The following CLTA variants were observed in gnomAD, a reference collection of about 807,000 sequenced individuals.
CLTA encodes clathrin, light polypeptide (Lca).
In CLTA, 9 loss-of-function variants were observed where a neutral mutation model predicts 26.9. The ratio of observed to expected loss-of-function variants is 0.33; its 90% CI spans 0.20 to 0.58. The LOEUF (loss-of-function observed/expected upper bound fraction) is 0.58, where lower values mean the gene tolerates loss of function less well. CLTA is among the 20% of genes least tolerant of loss of function. The pLI, the probability that CLTA is intolerant of heterozygous loss-of-function variation, is 0.85. For synonymous variants in CLTA, 120 were observed against 115.5 expected (o/e 1.04, Z -0.25); for missense variants, 278 against 294.2 (o/e 0.94, Z 0.40).
chr9:36,197,841 A>C (rs962630232), intron 2 of CLTA, among the ~76,000 whole-genome samples: 1 of 152,202 alleles, frequency 6.6e-6, no homozygotes. Context: ...TTCAAATGAT[A>C]CTGTGTTGAG....
At chr9:36,206,301 A>T (rs1048639645) in intron 4 of CLTA, among the ~76,000 whole-genome samples, 11 of 152,088 alleles carry the variant, frequency 7.2e-5, no homozygotes, top group Non-Finnish European at 1.6e-4. Context: ...TCTTGAGAGC[A>T]TAACGCTAGT....
intron 4 of CLTA, among the ~76,000 whole-genome samples, chr9:36,209,699 C>T (rs1827929535): frequency 6.6e-6 from 1 of 152,276 alleles, no homozygotes; most frequent in South Asian, 2.1e-4. Context: ...AAGGAGGTTT[C>T]CCCACCTGGG....
intron 4 of CLTA, chr9:36,210,458 G>T: frequency 1.9e-6 from 1 of 521,584 alleles, no homozygotes; most frequent in Non-Finnish European, 2.5e-6. Context: ...GTCGAGTCTG[G>T]TTTTGCTGGG....
At chr9:36,199,911 G>C (rs1450375875) in intron 3 of CLTA, among the ~76,000 whole-genome samples, 1 of 152,186 alleles carries the variant, frequency 6.6e-6, no homozygotes, top group African/African-American at 2.4e-5. Context: ...GGTAGAATAA[G>C]TATTTGGAAT....
chr9:36,201,034 A>T (rs1303585217), intron 3 of CLTA, among the ~76,000 whole-genome samples: 5 of 152,224 alleles, frequency 3.3e-5, no homozygotes, highest in Admixed American at 6.5e-5. Context: ...AAGCTCTAGC[A>T]GTTTTTCTTC....
At chr9:36,205,415 C>G (rs78697114) in intron 4 of CLTA, among the ~76,000 whole-genome samples, 1,682 of 152,220 alleles carry the variant, frequency 0.011, 32 homozygotes, top group African/African-American at 0.037. Context: ...GCTCCTGTGT[C>G]CTCTGCTCCC....
intron 3 of CLTA, among the ~76,000 whole-genome samples, chr9:36,202,189 A>G (rs1827454298): frequency 6.6e-6 from 1 of 152,228 alleles, no homozygotes; most frequent in Non-Finnish European, 1.5e-5. Context: ...CTTCTGAACG[A>G]CAGATCACCT....
At chr9:36,209,610 G>A (rs1046710741) in intron 4 of CLTA, among the ~76,000 whole-genome samples, 1 of 152,126 alleles carries the variant, frequency 6.6e-6, no homozygotes, top group Non-Finnish European at 1.5e-5. Flanking sequence ...AACGGTTTGA[G>A]GCTCGGGGGA....
At position 36,203,113 on chromosome 9, in the gene CLTA, G is replaced by T. The variant is rs539758174; in HGVS notation, c.374-955G>T. ...CTCCCAAAGTGTTGGGATTACAGGC[G>T]TGAGCCACCACAAGCAGCCGGCATG... On this transcript the variant is annotated intron_variant, in intron 3 of 4. Coordinates refer to ENST00000345519, the MANE Select transcript of CLTA (RefSeq NM_001833.4). Among the ~76,000 whole-genome samples the T allele has an allele frequency of 1.2e-3, 176 of 152,142 alleles. 4 individuals carry two copies. In the South Asian group the frequency reaches 0.034, roughly 29 times the overall value.
chr9:36,193,972 C>T lies in CLTA; in HGVS notation c.217+2699C>T, dbSNP rs899491513. 7.4e-4 allele frequency among the ~76,000 whole-genome samples: 113 copies of T among 152,186 alleles called. 8 individuals are homozygous for T. Among genetic ancestry groups the T allele is most frequent in the Admixed American group, 3.3e-4 (5 of 15,278 alleles). Reference sequence around the variant, plus strand: ...AAGCTCTCAATCATGAGGGCTGAGTCGGGGAAGAGAACAGGAGAGACAAGC... The same window carrying T: ...AAGCTCTCAATCATGAGGGCTGAGTTGGGGAAGAGAACAGGAGAGACAAGC... On this transcript the variant is annotated intron_variant, in intron 1 of 4. Coordinates refer to ENST00000345519, the MANE Select transcript of CLTA (RefSeq NM_001833.4).
At position 36,197,567 on chromosome 9, in the gene CLTA, A is replaced by C; in HGVS notation, c.234A>C (p.Val78=). The part of the protein sequence containing the change: ...PPGGPDAVDG[V]MNGEYYQESN... ...GTCTTGCAGATGCTGTTGATGGAGT[A>C]ATGAATGGTGAATACTACCAGGTAC... is the stretch of plus-strand genomic sequence containing the variant. Residue 78 remains valine, a synonymous_variant, in exon 2 of 5, where the codon GTA becomes GTC. Coordinates refer to ENST00000345519, the MANE Select transcript of CLTA (RefSeq NM_001833.4). 6.2e-7 allele frequency: 1 copy of C among 1,611,226 alleles called. No homozygotes were observed. The highest frequency in any genetic ancestry group is 8.5e-7 in the Non-Finnish European group (1 of 1,178,140).
At chr9:36,210,541 C>T (rs1827981512) in intron 4 of CLTA, 1 of 1,605,126 alleles carries the variant, frequency 6.2e-7, no homozygotes, top group East Asian at 2.2e-5. Context: ...GTCCAGCTTA[C>T]TGACCATCTG....
intron 3 of CLTA, among the ~76,000 whole-genome samples, chr9:36,201,919 C>T (rs1316270662): frequency 1.3e-5 from 2 of 151,584 alleles, no homozygotes; most frequent in African/African-American, 2.4e-5. Flanking sequence ...CAAGACCAGC[C>T]TGGGCACCAT....
At chr9:36,208,245 A>G (rs1827833919) in intron 4 of CLTA, among the ~76,000 whole-genome samples, 1 of 152,162 alleles carries the variant, frequency 6.6e-6, no homozygotes, top group Non-Finnish European at 1.5e-5. Flanking sequence ...GTGGGCTGGC[A>G]GAGCCCAGGG....
At chr9:36,196,573 T>C (rs2132870283) in intron 1 of CLTA, among the ~76,000 whole-genome samples, 1 of 152,086 alleles carries the variant, frequency 6.6e-6, no homozygotes, top group Admixed American at 6.5e-5. Flanking sequence ...GGTCTTGAAC[T>C]CCTGACCTCG....
chr9:36,199,992 C>A (rs1827305891), intron 3 of CLTA, among the ~76,000 whole-genome samples: 1 of 152,140 alleles, frequency 6.6e-6, no homozygotes, highest in African/African-American at 2.4e-5. Flanking sequence ...ACTACCCATC[C>A]CCATCAGCCA....
At chr9:36,195,632 A>G (rs552534395) in intron 1 of CLTA, among the ~76,000 whole-genome samples, 1 of 152,322 alleles carries the variant, frequency 6.6e-6, no homozygotes, top group Admixed American at 6.5e-5. Flanking sequence ...AAACTGGTAG[A>G]CTAATAGGAA....
chr9:36,204,006 T>C (rs1827575188), intron 3 of CLTA, 62 bp from the exon 4 acceptor site: 1 of 1,599,928 alleles, frequency 6.3e-7, no homozygotes, highest in African/African-American at 1.3e-5. Context: ...CAAAATAAAC[T>C]GATGAACTTC....
chr9:36,194,008 G>GC (rs1826889045), intron 1 of CLTA, among the ~76,000 whole-genome samples: 1 of 152,148 alleles, frequency 6.6e-6, no homozygotes, highest in Non-Finnish European at 1.5e-5. Context: ...CACAGAGAGA[G>GC]TACAGCAGTA....
Sources: allele counts gnomAD v4.1 joint callset (sites outside exome capture counted in the v4.1 genomes callset), GRCh38; gene constraint gnomAD v4.1.1; transcripts MANE v1.5; gene names NCBI Gene and HGNC (gene_info 2026-07-23, HGNC 2026-07-21).